VTI1A: variants seen among roughly 807,000 people sequenced by gnomAD.
The protein encoded by VTI1A is vesicle transport through interaction with t-SNAREs homolog 1A.
In VTI1A, 22 loss-of-function variants were observed where a neutral mutation model predicts 34.9. The observed-to-expected ratio is 0.63, with a 90% CI of 0.45 to 0.90. The LOEUF is 0.90. Ranked by LOEUF, VTI1A falls within the 40% of genes least tolerant of loss-of-function variation. VTI1A has a pLI of 0.00. For synonymous variants in VTI1A, 87 were observed against 97.3 expected, an observed-to-expected ratio of 0.89 and a Z score of 0.62; for missense variants, 268 against 275.6, an observed-to-expected ratio of 0.97 and a Z score of 0.20.
intron 7 of VTI1A, among the ~76,000 whole-genome samples, chr10:112,680,602 A>G (rs915249428): frequency 4.6e-5 from 7 of 152,242 alleles, no homozygotes; most frequent in African/African-American, 1.7e-4. Flanking sequence ...AACAAATTCA[A>G]AACTCTACTC....
chr10:112,556,278 C>T (rs111243721), intron 5 of VTI1A, among the ~76,000 whole-genome samples: 114 of 152,046 alleles, frequency 7.5e-4, no homozygotes, highest in African/African-American at 2.5e-3. Flanking sequence ...TTCACATCAT[C>T]GTTGTTTTGT....
intron 7 of VTI1A, among the ~76,000 whole-genome samples, chr10:112,744,546 G>A (rs1334359477): frequency 2.7e-5 from 4 of 146,922 alleles, no homozygotes; most frequent in Admixed American, 6.9e-5. Flanking sequence ...TCAGGCTCAA[G>A]CGATCTTCCC....
At chr10:112,480,858 A>C (rs1848439669) in intron 3 of VTI1A, among the ~76,000 whole-genome samples, 1 of 152,158 alleles carries the variant, frequency 6.6e-6, no homozygotes, top group African/African-American at 2.4e-5. Flanking sequence ...GTTGTGATTT[A>C]ATTGGCATGG....
At chr10:112,830,845 A>ATTTTTTTTTTTTT in the VTI1A span, among the ~76,000 whole-genome samples, 1 of 42,036 alleles carries the variant, frequency 2.4e-5, no homozygotes, top group African/African-American at 1.0e-4. Flanking sequence ...ATATATATAT[A>ATTTTTTTTTTTTT]TATATTTTTT....
chr10:112,676,101 T>G (rs1349682169), intron 7 of VTI1A, among the ~76,000 whole-genome samples: 1 of 152,244 alleles, frequency 6.6e-6, no homozygotes, highest in African/African-American at 2.4e-5. Context: ...ATCAAAATGT[T>G]AATTAATAGT....
intron 5 of VTI1A, among the ~76,000 whole-genome samples, chr10:112,612,202 A>G (rs539103442): frequency 2.1e-4 from 32 of 152,276 alleles, no homozygotes; most frequent in African/African-American, 4.3e-4. Flanking sequence ...TCTATTATCA[A>G]TCGGGTACCC....
intron 5 of VTI1A, among the ~76,000 whole-genome samples, chr10:112,636,461 C>T (rs898725976): frequency 2.6e-5 from 4 of 152,184 alleles, no homozygotes; most frequent in East Asian, 1.9e-4. Flanking sequence ...TGCAGTGGCT[C>T]ATGCCAGTAA....
intron 7 of VTI1A, among the ~76,000 whole-genome samples, chr10:112,748,882 G>A (rs1483263385): frequency 6.6e-6 from 1 of 152,014 alleles, no homozygotes; most frequent in Admixed American, 6.5e-5. Context: ...ACCCGCCTCA[G>A]CCTCCCAAAG....
At chr10:112,519,747 A>G (rs1295330198) in intron 3 of VTI1A, among the ~76,000 whole-genome samples, 2 of 152,076 alleles carry the variant, frequency 1.3e-5, no homozygotes, top group African/African-American at 4.8e-5. Flanking sequence ...CATCTGGCTT[A>G]GAACCCCTTG....
chr10:112,688,917 A>T lies in VTI1A; in HGVS notation c.560+19919A>T, dbSNP rs186092595. On this transcript the variant is annotated intron_variant, in intron 7 of 7. Coordinates refer to ENST00000393077, the MANE Select transcript of VTI1A (RefSeq NM_145206.4). ...TAAAAATCAAGTTATTATGACATAT[A>T]TGGAGGCTCAGGAAAGCCCAGCAGT... Among the ~76,000 whole-genome samples the T allele has an allele frequency of 5.3e-5, 8 of 152,212 alleles. 1 individual carries two copies. Among genetic ancestry groups the T allele is most frequent in the African/African-American group, 1.9e-4 (8 of 41,520 alleles).
chr10:112,461,190 C>A (rs1739247072), intron 2 of VTI1A, among the ~76,000 whole-genome samples: 1 of 152,180 alleles, frequency 6.6e-6, no homozygotes, highest in African/African-American at 2.4e-5. Context: ...TGTATGCTTA[C>A]AACAGCATTA....
intron 5 of VTI1A, among the ~76,000 whole-genome samples, chr10:112,618,892 A>AG (rs1470784602): frequency 6.6e-6 from 1 of 152,110 alleles, no homozygotes; most frequent in Non-Finnish European, 1.5e-5. Context: ...TTGGAAGGAT[A>AG]GGGTAGAGGA....
At chr10:112,704,554 G>T (rs1240456231) in intron 7 of VTI1A, among the ~76,000 whole-genome samples, 7 of 152,116 alleles carry the variant, frequency 4.6e-5, no homozygotes, top group Non-Finnish European at 8.8e-5. Context: ...GATAGCTTTT[G>T]ACTTTTGTCT....
intron 7 of VTI1A, among the ~76,000 whole-genome samples, chr10:112,743,086 A>G (rs939370921): frequency 6.6e-6 from 1 of 151,264 alleles, no homozygotes; most frequent in Non-Finnish European, 1.5e-5. Context: ...CATTTGGAAA[A>G]TGAATTGATT....
chr10:112,476,683 T>C (rs780245146), intron 3 of VTI1A, among the ~76,000 whole-genome samples: 1 of 152,216 alleles, frequency 6.6e-6, no homozygotes, highest in Non-Finnish European at 1.5e-5. Context: ...GAAGATTTCA[T>C]ACTTTGGCCC....
At position 112,656,901 on chromosome 10, in the gene VTI1A, C is replaced by T. The variant is rs150462833; in HGVS notation, c.428-11317C>T. Among the ~76,000 whole-genome samples the T allele has an allele frequency of 1.0e-3, 152 of 152,210 alleles. 1 individual carries two copies. The highest frequency in any genetic ancestry group is 3.6e-3 in the African/African-American group (148 of 41,522). ...GAGGTGGTTTCTCATGGTTTAGTGC[C>T]ATCCCCTCAATGCCATTCTCATGAT... On this transcript the variant is annotated intron_variant, in intron 5 of 7. Transcript: ENST00000393077.
intron 7 of VTI1A, chr10:112,672,805 C>T (rs1444444626): frequency 6.6e-6 from 1 of 152,084 alleles, no homozygotes; most frequent in Non-Finnish European, 1.5e-5. Flanking sequence ...AAAATTCAGT[C>T]AGAATAAAAA....
At chr10:112,608,510 A>G (rs1214592437) in intron 5 of VTI1A, among the ~76,000 whole-genome samples, 1 of 152,182 alleles carries the variant, frequency 6.6e-6, no homozygotes, top group Non-Finnish European at 1.5e-5. Flanking sequence ...TGAAATGACC[A>G]CTTAAACCAC....
chr10:112,805,645 C>T (rs981132267), intron 7 of VTI1A, among the ~76,000 whole-genome samples: 1 of 152,144 alleles, frequency 6.6e-6, no homozygotes, highest in Non-Finnish European at 1.5e-5. Context: ...CCAATGTGAC[C>T]GGTGTCCTTA....
Sources: gnomAD v4.1 joint callset for allele counts (sites outside exome capture counted in the v4.1 genomes callset) on GRCh38, gnomAD v4.1.1 for gene constraint, MANE v1.5 for transcripts, NCBI Gene and HGNC (gene_info 2026-07-23, HGNC 2026-07-21) for gene names.